The following GIGYF2 variants were observed in gnomAD, a reference collection of about 807,000 sequenced individuals.
GIGYF2 encodes the protein GRB10-interacting GYF protein 2.
A neutral mutation model predicts 208.1 loss-of-function variants in GIGYF2; 25 were observed. The observed-to-expected ratio is 0.12, with a 90% CI of 0.09 to 0.17. The LOEUF is 0.17. Ranked by LOEUF, GIGYF2 falls within the 10% of genes least tolerant of loss-of-function variation. The probability of loss-of-function intolerance (pLI) is 1.00; values close to 1 mark genes in which losing one functional copy is unlikely to be tolerated. For synonymous variants in GIGYF2, 534 were observed against 543.8 expected, an observed-to-expected ratio of 0.98 and a Z score of 0.25; for missense variants, 1,302 against 1,579.4, an observed-to-expected ratio of 0.82 and a Z score of 2.98.
At chr2:232,723,348 T>A (rs761261023) in intron 2 of GIGYF2, among the ~76,000 whole-genome samples, 2 of 152,142 alleles carry the variant, frequency 1.3e-5, no homozygotes, top group Non-Finnish European at 2.9e-5. Context: ...AACTTTCCAT[T>A]GGGAATATAT....
chr2:232,826,879 A>G (rs1472489408), intron 21 of GIGYF2, among the ~76,000 whole-genome samples: 1 of 152,232 alleles, frequency 6.6e-6, no homozygotes, highest in Admixed American at 6.5e-5. Context: ...AGTCATCCCA[A>G]GCCTTCAGCA....
chr2:232,719,658 AAG>A (rs1184472476), intron 2 of GIGYF2, among the ~76,000 whole-genome samples: 2 of 152,232 alleles, frequency 1.3e-5, no homozygotes, highest in Non-Finnish European at 2.9e-5. Flanking sequence ...TAGGGAGAAA[AAG>A]AAAAATAATT....
Position 232,825,219 on chromosome 2 carries a change from C to T in GIGYF2, c.2529+5234C>T, listed in dbSNP as rs555525786. ...TGTTCAAGTGTCATTATTTAAGAAA[C>T]ATACTTCATAATGCTCTGTGTGTCA... On this transcript the variant is annotated intron_variant, in intron 21 of 28. Coordinates refer to ENST00000373563, the MANE Select transcript of GIGYF2 (RefSeq NM_001103146.3). Among the ~76,000 whole-genome samples, 59 of 152,310 alleles carry T rather than the reference C, an allele frequency of 3.9e-4. 1 individual carries two copies. Among genetic ancestry groups the T allele is most frequent in the African/African-American group, 1.3e-3 (56 of 41,572 alleles).
Position 232,806,117 on chromosome 2 carries a change from T to TG in GIGYF2, c.1640-372dup, listed in dbSNP as rs1020755216. ...CTAATCTATGGCAGAAAATGAAAAT[T>TG]GGAGAACGTTTTCAGCCCTGCATGT... On this transcript the variant is annotated intron_variant, in intron 14 of 28. Coordinates refer to ENST00000373563, the MANE Select transcript of GIGYF2 (RefSeq NM_001103146.3). This position sits in a 1 kb window ranked among gnomAD's most constrained non-coding sequence, Gnocchi z 4.0. Among the ~76,000 whole-genome samples the TG allele has an allele frequency of 2.0e-5, 3 of 152,204 alleles. No individual in the cohort carries two copies. The highest frequency in any genetic ancestry group is 7.2e-5 in the African/African-American group (3 of 41,466).
chr2:232,792,944 C>A (rs1182829668), intron 12 of GIGYF2, among the ~76,000 whole-genome samples: 2 of 152,098 alleles, frequency 1.3e-5, no homozygotes, highest in East Asian at 3.9e-4. Flanking sequence ...GTGCATATAT[C>A]ACTATTCTAG....
At chr2:232,798,277 G>C (rs1322905321) in intron 14 of GIGYF2, among the ~76,000 whole-genome samples, 1 of 152,186 alleles carries the variant, frequency 6.6e-6, no homozygotes, top group African/African-American at 2.4e-5. Flanking sequence ...TGTGTGATAT[G>C]AATGTTATCA....
At chr2:232,757,102 A>G (rs1193045923) in intron 6 of GIGYF2, among the ~76,000 whole-genome samples, 4 of 152,210 alleles carry the variant, frequency 2.6e-5, no homozygotes, top group Non-Finnish European at 5.9e-5. Context: ...TTGTCTCTGC[A>G]TATTGTACCA....
At chr2:232,843,051 CT>C (rs1339392366) in intron 23 of GIGYF2, 1 of 151,830 alleles carries the variant, frequency 6.6e-6, no homozygotes, top group African/African-American at 2.4e-5. Context: ...TTTATTAGGT[CT>C]GTTACATTGG....
chr2:232,802,313 G>A lies in GIGYF2; in HGVS notation c.1640-4178G>A, dbSNP rs74578415. ...TTGAATAGGGAAGTGGTGAAAGTGG[G>A]CGTCCTTCGCTATCTCCTAATGTTA... On this transcript the variant is annotated intron_variant, in intron 14 of 28. Transcript: ENST00000373563. Among the ~76,000 whole-genome samples, 781 of 152,070 alleles carry A rather than the reference G, an allele frequency of 5.1e-3. 12 individuals are homozygous for A. Among genetic ancestry groups the A allele is most frequent in the African/African-American group, 0.018 (760 of 41,498 alleles).
chr2:232,755,988 T>C (rs971842622), intron 5 of GIGYF2, among the ~76,000 whole-genome samples: 1 of 152,210 alleles, frequency 6.6e-6, no homozygotes, highest in Admixed American at 6.5e-5. Context: ...GTGTAAGACA[T>C]TGGTTGTCAA....
At chr2:232,773,997 A>G (rs1025195833) in intron 8 of GIGYF2, among the ~76,000 whole-genome samples, 1 of 151,156 alleles carries the variant, frequency 6.6e-6, no homozygotes, top group Non-Finnish European at 1.5e-5. Context: ...AACGAAAGTG[A>G]GGAACCAGGC....
chr2:232,836,266 A>C (rs1701590071), intron 22 of GIGYF2, among the ~76,000 whole-genome samples: 1 of 1,124 alleles, frequency 8.9e-4, no homozygotes, highest in African/African-American at 1.1e-3. Context: ...ATCTCTACAT[A>C]TATATATATA....
At chr2:232,849,366 A>G (rs907280170) in intron 27 of GIGYF2, among the ~76,000 whole-genome samples, 1 of 152,002 alleles carries the variant, frequency 6.6e-6, no homozygotes, top group Non-Finnish European at 1.5e-5. Context: ...GGGTTTAACT[A>G]TGTTGGCCAG....
At chr2:232,800,303 A>G (rs1400035416) in intron 14 of GIGYF2, among the ~76,000 whole-genome samples, 2 of 152,156 alleles carry the variant, frequency 1.3e-5, no homozygotes, top group Admixed American at 6.5e-5. Flanking sequence ...GTTTTTGAGT[A>G]TGGTGTTAGG....
At chr2:232,739,634 T>C (rs1352759290) in intron 3 of GIGYF2, among the ~76,000 whole-genome samples, 1 of 151,896 alleles carries the variant, frequency 6.6e-6, no homozygotes, top group African/African-American at 2.4e-5. Context: ...ACTGCGCTGC[T>C]GCACTCCAGC....
rs185131947 is a variant in GIGYF2, at chr2:232,830,761, C to T, written c.2530-2096C>T. Among the ~76,000 whole-genome samples, 775 of 152,096 alleles carry T rather than the reference C, an allele frequency of 5.1e-3. 11 individuals carry two copies. Among genetic ancestry groups the T allele is most frequent in the African/African-American group, 0.018 (750 of 41,492 alleles). ...ACTCAAGAGGCTGAGGCAGAAGGAT[C>T]GCTGAGGCCAGGAGTTCAAGAACAT... On this transcript the variant is annotated intron_variant, in intron 21 of 28. Coordinates refer to ENST00000373563, the MANE Select transcript of GIGYF2 (RefSeq NM_001103146.3).
chr2:232,737,100 G>T (rs1163963981), intron 3 of GIGYF2, among the ~76,000 whole-genome samples: 1 of 152,170 alleles, frequency 6.6e-6, no homozygotes, highest in Non-Finnish European at 1.5e-5. Context: ...TGCTACAGTG[G>T]CAGGGTTGAC....
chr2:232,829,962 C>T (rs78338196), intron 21 of GIGYF2, among the ~76,000 whole-genome samples: 4,713 of 152,006 alleles, frequency 0.031, 260 homozygotes, highest in African/African-American at 0.11. Context: ...TTCATTCATT[C>T]GTTTGTTTGT....
At position 232,758,282 on chromosome 2, in the gene GIGYF2, C is replaced by T. The variant is rs142923056; in HGVS notation, c.379+1948C>T. ...TTTGATGTGGAAATTGACTGATTTC[C>T]AGGCTGCTAAATATCATGTACTAGT... is the stretch of plus-strand genomic sequence containing the variant. On this transcript the variant is annotated intron_variant, in intron 6 of 28. Coordinates refer to ENST00000373563, the MANE Select transcript of GIGYF2 (RefSeq NM_001103146.3). 1.8e-3 allele frequency among the ~76,000 whole-genome samples: 273 copies of T among 152,236 alleles called. 1 individual carries two copies. The highest frequency in any genetic ancestry group is 6.3e-3 in the African/African-American group (263 of 41,540).
Sources: gnomAD v4.1 joint callset for allele counts (sites outside exome capture counted in the v4.1 genomes callset) on GRCh38, gnomAD v4.1.1 for gene constraint, Gnocchi (gnomAD v3.1) non-coding constraint, MANE v1.5 for transcripts, NCBI Gene and HGNC (gene_info 2026-07-23, HGNC 2026-07-21) for gene names.